FGGY: variants seen among roughly 807,000 people sequenced by gnomAD.
FGGY encodes the protein FGGY carbohydrate kinase domain containing, also known as FGGY carbohydrate kinase domain-containing protein.
A neutral mutation model predicts 71.3 loss-of-function variants in FGGY; 72 were observed. The observed-to-expected ratio is 1.01, with a 90% CI of 0.84 to 1.23. The LOEUF is 1.23. Among genes scored for constraint, FGGY ranks in the 50% most tolerant of loss-of-function variants. The probability of loss-of-function intolerance (pLI) is 0.00; values close to 1 mark genes in which losing one functional copy is unlikely to be tolerated. For synonymous variants in FGGY, 251 were observed against 250.3 expected (o/e 1.00, Z -0.02); for missense variants, 668 against 682.3 (o/e 0.98, Z 0.23).
intron 3 of FGGY, among the ~76,000 whole-genome samples, chr1:59,343,054 G>A (rs1337368043): frequency 6.6e-6 from 1 of 152,114 alleles, no homozygotes; most frequent in Non-Finnish European, 1.5e-5. Flanking sequence ...AGCCATAGGA[G>A]CTCTTGGGAG....
intron 11 of FGGY, among the ~76,000 whole-genome samples, chr1:59,639,946 A>T (rs191502477): frequency 1.3e-5 from 2 of 152,286 alleles, no homozygotes; most frequent in African/African-American, 4.8e-5. Context: ...AATACAGTTG[A>T]CCCAAATGCA....
chr1:59,321,460 T>G, intron 1 of FGGY, 76 bp from the exon 2 acceptor site: 1 of 1,350,220 alleles, frequency 7.4e-7, no homozygotes, highest in Non-Finnish European at 1.0e-6. Flanking sequence ...CTTTTATTTC[T>G]ACTTTTGAGA....
rs1402111086 is a variant in FGGY at position 59,401,857 on chromosome 1, C to G, written c.554+23020C>G. On this transcript the variant is annotated intron_variant, in intron 5 of 15. Transcript: ENST00000303721. Reference sequence around the variant, plus strand: ...AAAGGAAACATGAGGAACAGTGAATCGTGGTAGGATTATGGAGAGGAGGAG... The same window carrying G: ...AAAGGAAACATGAGGAACAGTGAATGGTGGTAGGATTATGGAGAGGAGGAG... 5.3e-5 allele frequency among the ~76,000 whole-genome samples: 8 copies of G among 152,186 alleles called. No individual in the cohort carries two copies. The East Asian group carries it at 1.5e-3, about 29-fold the overall frequency.
At chr1:59,411,890 C>G (rs559134423) in intron 5 of FGGY, among the ~76,000 whole-genome samples, 2 of 152,276 alleles carry the variant, frequency 1.3e-5, no homozygotes, top group East Asian at 3.9e-4. Context: ...TTGCTCCAAC[C>G]CTGAGAGAAG....
rs2091463359 is a variant in FGGY at position 59,454,204 on chromosome 1, A to AC, written c.555-2757_555-2756insC. On this transcript the variant is annotated intron_variant, in intron 5 of 15. Transcript: ENST00000303721. ...GAGGCCCAGCACTCTACAGACAAGA[A>AC]TGGGACATCTGGGGATTTAGGAGTT... Among the ~76,000 whole-genome samples the AC allele has an allele frequency of 1.6e-4, 19 of 121,226 alleles. No individual in the cohort carries two copies. In the East Asian group the frequency reaches 4.1e-3, roughly 26 times the overall value. 79.5% of individuals were successfully genotyped at this position (121,226 alleles called of 152,430 possible).
At chr1:59,757,266 T>C (rs1375901772) in intron 14 of FGGY, among the ~76,000 whole-genome samples, 1 of 152,120 alleles carries the variant, frequency 6.6e-6, no homozygotes, top group Non-Finnish European at 1.5e-5. Context: ...AAACAATCCA[T>C]GGTTAATCTT....
chr1:59,465,796 A>G (rs1438213164), intron 6 of FGGY, among the ~76,000 whole-genome samples: 1 of 152,216 alleles, frequency 6.6e-6, no homozygotes, highest in Non-Finnish European at 1.5e-5. Context: ...TCCAACTTAC[A>G]AAGGATGTGA....
intron 8 of FGGY, among the ~76,000 whole-genome samples, chr1:59,583,409 T>A (rs2096229095): frequency 7.0e-6 from 1 of 143,494 alleles, no homozygotes; most frequent in Admixed American, 6.8e-5. Flanking sequence ...CATTGACACT[T>A]TCAATCTAGG....
chr1:59,329,122 G>A (rs1290937958), intron 2 of FGGY, among the ~76,000 whole-genome samples: 2 of 152,136 alleles, frequency 1.3e-5, no homozygotes, highest in Admixed American at 6.6e-5. Context: ...TGCAAGATGC[G>A]GTAAAGCAAA....
intron 5 of FGGY, among the ~76,000 whole-genome samples, chr1:59,421,650 A>G (rs141769494): frequency 2.0e-5 from 3 of 151,470 alleles, no homozygotes; most frequent in African/African-American, 7.3e-5. Flanking sequence ...TGACAAGAAG[A>G]GGATGCATGT....
rs541098621 is a variant in FGGY at position 59,542,397 on chromosome 1, G to A, written c.800-11727G>A. On this transcript the variant is annotated intron_variant, in intron 7 of 15. Coordinates refer to ENST00000303721, the MANE Select transcript of FGGY (RefSeq NM_018291.5). ...GAGATACTATTAATCAGGGCTGAAC[G>A]TGTGACAGCACTGTTCTTTCAAGCC... Among the ~76,000 whole-genome samples, 6 of 147,060 alleles carry A rather than the reference G, an allele frequency of 4.1e-5. No individual in the cohort carries two copies. The South Asian group carries it at 1.3e-3, about 32-fold the overall frequency.
At chr1:59,679,181 T>G (rs2153985525) in intron 14 of FGGY, among the ~76,000 whole-genome samples, 1 of 152,338 alleles carries the variant, frequency 6.6e-6, no homozygotes, top group South Asian at 2.1e-4. Flanking sequence ...TCTACTTCTG[T>G]TCTTTTTCAT....
rs530419574 is a variant in FGGY, at chr1:59,613,365, A to G, written c.1011+5455A>G. 1.1e-3 allele frequency among the ~76,000 whole-genome samples: 169 copies of G among 152,366 alleles called. 1 individual carries two copies. The highest frequency in any genetic ancestry group is 3.9e-3 in the African/African-American group (164 of 41,586). ...AACTCACTCAAAACCACTCAACTAC[A>G]TGGAAACTGAACAACCTGCTCCTGA... On this transcript the variant is annotated intron_variant, in intron 9 of 15. Coordinates refer to ENST00000303721, the MANE Select transcript of FGGY (RefSeq NM_018291.5).
At chr1:59,414,902 C>T (rs891811461) in intron 5 of FGGY, among the ~76,000 whole-genome samples, 25 of 152,328 alleles carry the variant, frequency 1.6e-4, no homozygotes, top group African/African-American at 6.0e-4. Flanking sequence ...AGCATCCTGG[C>T]TTACAAGGCA....
At chr1:59,648,632 G>A (rs1319192654) in intron 11 of FGGY, among the ~76,000 whole-genome samples, 1 of 150,144 alleles carries the variant, frequency 6.7e-6, no homozygotes, top group Non-Finnish European at 1.5e-5. Flanking sequence ...TGAGTTCATT[G>A]TAGATTCTGG....
At chr1:59,655,072 G>T (rs911268787) in intron 11 of FGGY, among the ~76,000 whole-genome samples, 2 of 151,490 alleles carry the variant, frequency 1.3e-5, no homozygotes, top group Non-Finnish European at 2.9e-5. Flanking sequence ...TTCTGCCCTG[G>T]CTTCCCTACA....
intron 9 of FGGY, among the ~76,000 whole-genome samples, chr1:59,617,898 T>G (rs971022510): frequency 6.6e-6 from 1 of 152,074 alleles, no homozygotes; most frequent in Non-Finnish European, 1.5e-5. Context: ...ACATTGTGAG[T>G]GTCTATCTGC....
At chr1:59,491,975 A>G (rs898028457) in intron 6 of FGGY, among the ~76,000 whole-genome samples, 2 of 152,102 alleles carry the variant, frequency 1.3e-5, no homozygotes, top group Non-Finnish European at 2.9e-5. Flanking sequence ...ATTTGTTGAG[A>G]TATCATCCTT....
At chr1:59,660,387 CAG>C in intron 12 of FGGY, 94 bp downstream of exon 12, 3 of 872,738 alleles carry the variant, frequency 3.4e-6, no homozygotes, top group South Asian at 1.8e-5. Flanking sequence ...GCTTTTGTGA[CAG>C]AGATTCTTAA....
Sources: gnomAD v4.1 joint callset for allele counts (sites outside exome capture counted in the v4.1 genomes callset) on GRCh38, gnomAD v4.1.1 for gene constraint, MANE v1.5 for transcripts, NCBI Gene and HGNC (gene_info 2026-07-23, HGNC 2026-07-21) for gene names.